KCNQ5: variants seen among roughly 807,000 people sequenced by gnomAD.
KCNQ5 encodes potassium voltage-gated channel subfamily KQT member 5.
Under a neutral mutation model 98.2 loss-of-function variants are expected in KCNQ5, and 30 were observed. The observed-to-expected ratio is 0.31, with a 90% confidence interval of 0.23 to 0.41. The LOEUF is 0.41. KCNQ5 is among the 10% of genes least tolerant of loss of function. The pLI is 1.00. For missense variants in KCNQ5, 835 were observed against 1,182.5 expected (o/e 0.71, Z 4.31); for synonymous variants, 458 against 449.4 (o/e 1.02, Z -0.24).
intron 9 of KCNQ5, among the ~76,000 whole-genome samples, chr6:73,132,618 C>T (rs1776280954): frequency 6.6e-6 from 1 of 152,214 alleles, no homozygotes; most frequent in Non-Finnish European, 1.5e-5. Context: ...GTTAATGCTT[C>T]TTTTATCAGC....
At chr6:73,095,771 A>G (rs953739880) in intron 5 of KCNQ5, among the ~76,000 whole-genome samples, 1 of 152,048 alleles carries the variant, frequency 6.6e-6, no homozygotes, top group East Asian at 1.9e-4. Flanking sequence ...TGTGATGTGA[A>G]CCATCTGTGG....
intron 3 of KCNQ5, among the ~76,000 whole-genome samples, chr6:73,058,819 A>G (rs553893281): frequency 6.6e-6 from 1 of 152,344 alleles, no homozygotes; most frequent in East Asian, 1.9e-4. Flanking sequence ...AAAATGCTCA[A>G]CATTACTAAT....
chr6:72,687,000 G>A (rs1767991616), intron 1 of KCNQ5, among the ~76,000 whole-genome samples: 1 of 152,048 alleles, frequency 6.6e-6, no homozygotes, highest in Admixed American at 6.6e-5. Context: ...GGATAATTCA[G>A]ATTTAGAATG....
chr6:72,816,467 G>A (rs1214966036), intron 1 of KCNQ5, among the ~76,000 whole-genome samples: 2 of 152,120 alleles, frequency 1.3e-5, no homozygotes, highest in East Asian at 3.9e-4. Context: ...GTAAGAACGG[G>A]GAGACTACAA....
At chr6:72,962,712 G>A (rs1032731343) in intron 1 of KCNQ5, among the ~76,000 whole-genome samples, 17 of 152,122 alleles carry the variant, frequency 1.1e-4, no homozygotes, top group African/African-American at 3.9e-4. Flanking sequence ...AGAAAAAGTG[G>A]AGCCAGAGAG....
At chr6:72,779,835 G>C (rs1455309214) in intron 1 of KCNQ5, among the ~76,000 whole-genome samples, 1 of 20,988 alleles carries the variant, frequency 4.8e-5, no homozygotes, top group African/African-American at 1.8e-4. Context: ...GTGTGTGTGT[G>C]TGTGTGTGTG....
intron 1 of KCNQ5, among the ~76,000 whole-genome samples, chr6:72,822,573 AC>A (rs1176513092): frequency 6.6e-6 from 1 of 152,146 alleles, no homozygotes; most frequent in African/African-American, 2.4e-5. Flanking sequence ...GCTTTCGGGA[AC>A]TTTTGGGTGC....
At chr6:72,787,278 G>A (rs866163177) in intron 1 of KCNQ5, among the ~76,000 whole-genome samples, 4 of 152,094 alleles carry the variant, frequency 2.6e-5, no homozygotes. Flanking sequence ...AGTTTTACTG[G>A]AACACAGCCA....
At chr6:73,141,312 G>A (rs552232950) in intron 10 of KCNQ5, among the ~76,000 whole-genome samples, 21 of 152,292 alleles carry the variant, frequency 1.4e-4, no homozygotes, top group Admixed American at 5.9e-4. Context: ...CTATCACTTT[G>A]AGGGTTAGGG....
At chr6:72,781,839 A>C (rs1773492534) in intron 1 of KCNQ5, among the ~76,000 whole-genome samples, 1 of 152,240 alleles carries the variant, frequency 6.6e-6, no homozygotes, top group South Asian at 2.1e-4. Flanking sequence ...CAAGACTGGA[A>C]ATATCAGGAG....
intron 2 of KCNQ5, among the ~76,000 whole-genome samples, chr6:73,032,898 A>G (rs1049703369): frequency 6.6e-6 from 1 of 152,050 alleles, no homozygotes; most frequent in Non-Finnish European, 1.5e-5. Flanking sequence ...CCATGGGCAG[A>G]CTTCACCTGT....
intron 5 of KCNQ5, among the ~76,000 whole-genome samples, chr6:73,100,705 G>A (rs982436259): frequency 1.3e-4 from 20 of 151,224 alleles, no homozygotes; most frequent in African/African-American, 4.8e-4. Context: ...AAAAGAAAAA[G>A]TTGTTTTTTG....
intron 2 of KCNQ5, 119 bp from the exon 3 acceptor site, chr6:73,041,817 G>T (rs1413986736): frequency 2.5e-5 from 27 of 1,077,050 alleles, no homozygotes; most frequent in Non-Finnish European, 3.7e-5. Flanking sequence ...CTTAACTTTA[G>T]ATATTAACAA....
intron 2 of KCNQ5, among the ~76,000 whole-genome samples, chr6:73,010,757 A>T (rs535172701): frequency 1.3e-5 from 2 of 152,100 alleles, no homozygotes; most frequent in East Asian, 1.9e-4. Flanking sequence ...TAGAAAGGAA[A>T]CTATGAAAAC....
intron 1 of KCNQ5, among the ~76,000 whole-genome samples, chr6:72,641,341 A>C (rs2098927085): frequency 6.6e-6 from 1 of 152,168 alleles, no homozygotes; most frequent in South Asian, 2.1e-4. Flanking sequence ...ATTATTTCAC[A>C]CACAATTTCA....
chr6:73,083,146 G>A, intron 5 of KCNQ5, among the ~76,000 whole-genome samples: 1 of 152,036 alleles, frequency 6.6e-6, no homozygotes, highest in East Asian at 1.9e-4. Context: ...TGTCTGCCTT[G>A]GCCTCCCAAA....
intron 2 of KCNQ5, among the ~76,000 whole-genome samples, chr6:73,010,362 C>T (rs1011764765): frequency 3.3e-5 from 5 of 151,826 alleles, no homozygotes; most frequent in African/African-American, 1.2e-4. Context: ...AAGAAAACTA[C>T]CTCAACATGA....
intron 1 of KCNQ5, among the ~76,000 whole-genome samples, chr6:72,840,960 G>A (rs749376592): frequency 3.9e-4 from 59 of 152,288 alleles, no homozygotes; most frequent in Admixed American, 7.2e-4. Flanking sequence ...CCTTCACTGA[G>A]ATGCTCACTT....
At chr6:72,689,878 T>C (rs2154474181) in intron 1 of KCNQ5, among the ~76,000 whole-genome samples, 1 of 152,294 alleles carries the variant, frequency 6.6e-6, no homozygotes, top group African/African-American at 2.4e-5. Flanking sequence ...TAACTGATTT[T>C]TCTTCTGTTT....
Sources: allele counts gnomAD v4.1 joint callset (sites outside exome capture counted in the v4.1 genomes callset), GRCh38; gene constraint gnomAD v4.1.1; transcripts MANE v1.5; gene names NCBI Gene and HGNC (gene_info 2026-07-23, HGNC 2026-07-21).